Variants in ASH1L observed in about 807,000 individuals in gnomAD.
The protein encoded by ASH1L is histone-lysine N-methyltransferase ASH1L.
In ASH1L, 23 loss-of-function variants were observed where a neutral mutation model predicts 269.0. The observed-to-expected ratio is 0.09, with a 90% CI of 0.06 to 0.12. The LOEUF (loss-of-function observed/expected upper bound fraction) is 0.12, where lower values mean the gene tolerates loss of function less well. Among genes scored for constraint, ASH1L ranks in the 10% least tolerant of loss-of-function variants. The pLI is 1.00. For missense variants in ASH1L, 2,912 were observed against 3,567.8 expected, an observed-to-expected ratio of 0.82 and a Z score of 4.68; for synonymous variants, 1,187 against 1,253.5, an observed-to-expected ratio of 0.95 and a Z score of 1.12.
At chr1:155,348,096 C>G (rs888719387) in intron 19 of ASH1L, among the ~76,000 whole-genome samples, 192 bp from the exon 20 acceptor site, 1 of 152,186 alleles carries the variant, frequency 6.6e-6, no homozygotes, top group African/African-American at 2.4e-5. Flanking sequence ...AAGTTAGAAT[C>G]TGCATGTTAT....
At chr1:155,361,400 C>G (rs912329696) in intron 12 of ASH1L, among the ~76,000 whole-genome samples, 7 of 151,616 alleles carry the variant, frequency 4.6e-5, no homozygotes, top group African/African-American at 1.2e-4. Flanking sequence ...ACCTGTAATC[C>G]CAGCTACTTA....
At position 155,433,913 on chromosome 1, in the gene ASH1L, C is replaced by A. The variant is rs759319830; in HGVS notation, c.5828+4414G>T. On this transcript the variant is annotated intron_variant, in intron 5 of 27. Transcript: ENST00000392403. ...TATCGAGAACCGAGTGAGAGGCAACCTGGAGAATTTGTTCCTGCAGTGCCC... is the reference window on the plus strand; with the variant it reads ...TATCGAGAACCGAGTGAGAGGCAACATGGAGAATTTGTTCCTGCAGTGCCC... 77 of 1,593,836 alleles carry A rather than the reference C, an allele frequency of 4.8e-5. 1 individual carries two copies. In the Middle Eastern group the frequency reaches 1.2e-3, roughly 24 times the overall value.
At chr1:155,414,788 T>TC (rs1287393027) in intron 6 of ASH1L, among the ~76,000 whole-genome samples, 1 of 152,168 alleles carries the variant, frequency 6.6e-6, no homozygotes, top group African/African-American at 2.4e-5. Context: ...GGAATATCCT[T>TC]CTCCATCTGG....
chr1:155,453,667 T>G (rs1663657196), intron 4 of ASH1L, among the ~76,000 whole-genome samples: 1 of 150,800 alleles, frequency 6.6e-6, no homozygotes, highest in South Asian at 2.1e-4. Flanking sequence ...GGTGTGGTGG[T>G]GCACATCTGC....
At chr1:155,368,728 T>G (rs951095866) in intron 12 of ASH1L, among the ~76,000 whole-genome samples, 3 of 152,236 alleles carry the variant, frequency 2.0e-5, no homozygotes, top group African/African-American at 7.2e-5. Context: ...GTGCTGGGAT[T>G]ATAGGCGTGA....
At chr1:155,533,174 C>T (rs982317950) in intron 1 of ASH1L, among the ~76,000 whole-genome samples, 1 of 152,030 alleles carries the variant, frequency 6.6e-6, no homozygotes, top group Non-Finnish European at 1.5e-5. Flanking sequence ...TAAAGTACTA[C>T]AAATGAGTCC....
intron 5 of ASH1L, among the ~76,000 whole-genome samples, chr1:155,423,472 C>T (rs1246546931): frequency 6.6e-6 from 1 of 151,804 alleles, no homozygotes; most frequent in Non-Finnish European, 1.5e-5. Flanking sequence ...GGGAGGCTGA[C>T]GTCGGGGAAT....
intron 21 of ASH1L, chr1:155,346,074 T>C: frequency 1.0e-6 from 1 of 964,172 alleles, no homozygotes. Context: ...GCTCAGGCAA[T>C]CCATCCGCCT....
chr1:155,542,750 G>A (rs1381466316), intron 1 of ASH1L, among the ~76,000 whole-genome samples: 1 of 149,388 alleles, frequency 6.7e-6, no homozygotes, highest in African/African-American at 2.5e-5. Flanking sequence ...TGCAATCTTG[G>A]CTCACTGCAA....
chr1:155,480,988 C>A lies in ASH1L; in HGVS notation c.1882G>T (p.Gly628Trp). 1 of 1,614,032 alleles carries A rather than the reference C, an allele frequency of 6.2e-7. No individual in the cohort carries two copies. Among genetic ancestry groups the A allele is most frequent in the Non-Finnish European group, 8.5e-7 (1 of 1,179,984 alleles). ...GAATCATTTACCTCTTTATCAATCC[C>A]TTTACATTCAATACTTATACTATGA... ...VGHSISIECK[G>W]IDKEVNDSKT... The change falls in exon 3 of 28, where the codon GGG becomes TGG. Residue 628 changes from glycine (G) to tryptophan (W), a missense_variant. By Grantham distance (184) the Gly-to-Trp change is radical (BLOSUM62 -2). Transcript: ENST00000392403.
chr1:155,395,345 G>T, intron 7 of ASH1L, 114 bp downstream of exon 7: 1 of 740,278 alleles, frequency 1.4e-6, no homozygotes, highest in South Asian at 2.2e-5. Flanking sequence ...GGTAAAGAAA[G>T]AGCTTGATCC....
chr1:155,555,802 C>A (rs377054512), intron 1 of ASH1L, among the ~76,000 whole-genome samples: 1 of 152,088 alleles, frequency 6.6e-6, no homozygotes, highest in Non-Finnish European at 1.5e-5. Context: ...AGTTTAGTTC[C>A]AACTATGATC....
At chr1:155,561,966 T>C (rs1571169527) in intron 1 of ASH1L, 187 bp downstream of exon 1, 2 of 533,824 alleles carry the variant, frequency 3.7e-6, no homozygotes, top group Non-Finnish European at 6.6e-6. Context: ...GGGACACCCC[T>C]TCACCCCGCC....
At chr1:155,367,578 A>G (rs1323005494) in intron 12 of ASH1L, among the ~76,000 whole-genome samples, 1 of 152,182 alleles carries the variant, frequency 6.6e-6, no homozygotes, top group Non-Finnish European at 1.5e-5. Flanking sequence ...AATGGTAGCT[A>G]AAGATTTTTT....
Position 155,479,510 on chromosome 1 carries a change from A to G in ASH1L, c.3360T>C (p.Pro1120=). Reference sequence around the variant, plus strand: ...CAACAAAACCTGCATCACTACTTACAGGGCTCTGACCTCCACTAGTCCCAG... The same window carrying G: ...CAACAAAACCTGCATCACTACTTACGGGGCTCTGACCTCCACTAGTCCCAG... ...QSSGTSGGQS[P]VSSDAGFVEP... The change falls in exon 3 of 28, where the codon CCT becomes CCC. Residue 1120 remains proline (P), a synonymous_variant. Transcript: ENST00000392403. The G allele has an allele frequency of 6.2e-7, 1 of 1,614,212 alleles. No individual in the cohort carries two copies. The highest frequency in any genetic ancestry group is 2.2e-5 in the East Asian group (1 of 44,880).
chr1:155,523,450 C>A (rs1040936051), intron 1 of ASH1L, among the ~76,000 whole-genome samples: 1 of 152,172 alleles, frequency 6.6e-6, no homozygotes, highest in African/African-American at 2.4e-5. Context: ...TGTGATCAAG[C>A]CACTGCACTC....
In ASH1L at chr1:155,481,094, G is replaced by T. The variant is rs371788736; in HGVS notation, c.1776C>A (p.Ile592=). The change falls in exon 3 of 28, where the codon ATC becomes ATA. Residue 592 remains isoleucine (I), a synonymous_variant. Transcript: ENST00000392403. ...PLLLSSTTEL[I]EEISESVGKN... ...TTCCAACAGATTCAGAAATTTCTTC[G>T]ATTAGTTCTGTAGTAGAACTTAAAA... The T allele has an allele frequency of 5.0e-6, 8 of 1,614,004 alleles. No individual in the cohort carries two copies. The highest frequency in any genetic ancestry group is 1.1e-5 in the South Asian group (1 of 91,070).
At chr1:155,538,912 C>A (rs1670239948) in intron 1 of ASH1L, among the ~76,000 whole-genome samples, 1 of 152,080 alleles carries the variant, frequency 6.6e-6, no homozygotes, top group African/African-American at 2.4e-5. Flanking sequence ...AAAGTTTAAT[C>A]CTCCTCCAAT....
chr1:155,434,075 G>C (rs1001850260), intron 5 of ASH1L: 2 of 1,591,532 alleles, frequency 1.3e-6, no homozygotes, highest in African/African-American at 2.7e-5. Context: ...AGAGGATTTT[G>C]AGGCTGCTGG....
Sources: allele counts gnomAD v4.1 joint callset (sites outside exome capture counted in the v4.1 genomes callset), GRCh38; gene constraint gnomAD v4.1.1; transcripts MANE v1.5; gene names NCBI Gene and HGNC (gene_info 2026-07-23, HGNC 2026-07-21).